POU3F3: variants seen among roughly 807,000 people sequenced by gnomAD.
POU3F3 encodes the protein POU domain, class 3, transcription factor 3.
POU3F3 carries 1 observed loss-of-function variant against 8.6 expected under a neutral mutation model. The observed-to-expected ratio is 0.12, with a 90% CI of 0.04 to 0.55. POU3F3 has a LOEUF of 0.55. POU3F3 is among the 20% of genes least tolerant of loss of function. The pLI, the probability that POU3F3 is intolerant of heterozygous loss-of-function variation, is 0.91. For missense variants in POU3F3, 577 were observed against 690.7 expected, an observed-to-expected ratio of 0.84 and a Z score of 1.84; for synonymous variants, 418 against 327.4, an observed-to-expected ratio of 1.28 and a Z score of -2.99.
At position 104,855,386 on chromosome 2, in the gene POU3F3, G is replaced by A. The variant is rs1386251432; in HGVS notation, c.-125G>A. On this transcript the variant is annotated 5_prime_UTR_variant, in exon 1 of 1. Transcript: ENST00000361360. ...CGGCGGGGGCCCGGGGCGGGGGCGG[G>A]GAAGGAGGGGGGGAGGAGGCGGGAG... The A allele has an allele frequency of 3.4e-5, 11 of 319,846 alleles. No homozygotes were observed. The highest frequency in any genetic ancestry group is 2.3e-4 in the African/African-American group (9 of 38,754). 19.8% of individuals were successfully genotyped at this position (319,846 alleles called of 1,614,324 possible).
the POU3F3 span, among the ~76,000 whole-genome samples, chr2:104,887,061 G>C: frequency 6.6e-6 from 1 of 152,184 alleles, no homozygotes; most frequent in Admixed American, 6.5e-5. Flanking sequence ...TGGATTATCT[G>C]TGTCTTCCCT....
chr2:104,872,169 G>A, the POU3F3 span: 6 of 452,354 alleles, frequency 1.3e-5, no homozygotes, highest in South Asian at 9.4e-5. This position sits in a 1 kb window ranked among gnomAD's most constrained non-coding sequence, Gnocchi z 4.6. Context: ...CTGCAGGGAT[G>A]CCCTGCGCCC....
At chr2:104,892,021 C>G in the POU3F3 span, among the ~76,000 whole-genome samples, 2 of 152,148 alleles carry the variant, frequency 1.3e-5, no homozygotes, top group Non-Finnish European at 2.9e-5. Flanking sequence ...ATTTTTCCAT[C>G]AGGCAACACA....
chr2:104,885,626 C>T, the POU3F3 span, among the ~76,000 whole-genome samples: 18 of 152,270 alleles, frequency 1.2e-4, no homozygotes, highest in Non-Finnish European at 2.1e-4. Context: ...GGAAGTTACC[C>T]TATATGGTGT....
chr2:104,884,817 G>A, the POU3F3 span, among the ~76,000 whole-genome samples: 2 of 152,182 alleles, frequency 1.3e-5, no homozygotes, highest in East Asian at 3.9e-4. Context: ...ATTGGGGAGG[G>A]ACTTCTGTTT....
downstream of POU3F3, among the ~76,000 whole-genome samples, chr2:104,862,871 C>A (rs890391740): frequency 6.6e-6 from 1 of 152,046 alleles, no homozygotes; most frequent in Non-Finnish European, 1.5e-5. Flanking sequence ...CTGTAAAAGC[C>A]GTAGGAGAAT....
the POU3F3 span, among the ~76,000 whole-genome samples, chr2:104,918,810 AAC>A: frequency 6.6e-6 from 1 of 152,002 alleles, no homozygotes; most frequent in African/African-American, 2.4e-5. Flanking sequence ...GAGTAATTAT[AAC>A]ACTCTCCTGC....
chr2:104,920,029 A>G, the POU3F3 span, among the ~76,000 whole-genome samples: 8 of 151,940 alleles, frequency 5.3e-5, no homozygotes, highest in Non-Finnish European at 7.4e-5. Context: ...TTTTATTATT[A>G]TTTGAGATGG....
Position 104,854,995 on chromosome 2 carries a change from G to C in POU3F3, c.-516G>C, listed in dbSNP as rs760380096. On this transcript the variant is annotated 5_prime_UTR_variant, in exon 1 of 1. Coordinates refer to ENST00000361360, the MANE Select transcript of POU3F3 (RefSeq NM_006236.3). This position sits in a 1 kb window ranked among gnomAD's most constrained non-coding sequence, Gnocchi z 4.5. Reference sequence around the variant, plus strand: ...AGCAGGTGGACGGAGCCCCGCGACCGGGCAGAGTCCGGGCTCGCCCGAGGA... The same window carrying C: ...AGCAGGTGGACGGAGCCCCGCGACCCGGCAGAGTCCGGGCTCGCCCGAGGA... 1.3e-5 allele frequency among the ~76,000 whole-genome samples: 2 copies of C among 152,160 alleles called. No homozygotes were observed. The highest frequency in any genetic ancestry group is 1.5e-5 in the Non-Finnish European group (1 of 67,996).
the POU3F3 span, among the ~76,000 whole-genome samples, chr2:104,882,931 C>T: frequency 6.6e-6 from 1 of 152,084 alleles, no homozygotes; most frequent in African/African-American, 2.4e-5. Context: ...AATACCAGAA[C>T]AACAGGTGAA....
chr2:104,907,613 T>C, the POU3F3 span, among the ~76,000 whole-genome samples: 3 of 152,166 alleles, frequency 2.0e-5, no homozygotes, highest in African/African-American at 7.2e-5. Flanking sequence ...GCTACTATTA[T>C]TATTATTTTT....
upstream of POU3F3, chr2:104,853,493 C>G (rs1026418288): frequency 1.3e-5 from 2 of 152,966 alleles, no homozygotes; most frequent in Admixed American, 6.5e-5. Flanking sequence ...CTTCCCACCC[C>G]CGCCGATCAG....
chr2:104,853,349 G>A (rs1026893854), upstream of POU3F3: 3 of 152,362 alleles, frequency 2.0e-5, no homozygotes, highest in African/African-American at 7.2e-5. Context: ...TGGGCTGCAG[G>A]TTTCCCAGAT....
At chr2:104,895,062 A>AGTGTGT in the POU3F3 span, among the ~76,000 whole-genome samples, 24 of 149,374 alleles carry the variant, frequency 1.6e-4, no homozygotes, top group African/African-American at 5.7e-4. Context: ...TGCACAGGTG[A>AGTGTGT]GTGTGTGTGT....
the POU3F3 span, among the ~76,000 whole-genome samples, chr2:104,903,016 G>A: frequency 2.6e-3 from 395 of 152,160 alleles, 4 homozygotes; most frequent in African/African-American, 9.0e-3. Context: ...ATGTCATATC[G>A]CTGCAGGCTG....
chr2:104,863,735 C>T, the POU3F3 span, among the ~76,000 whole-genome samples: 3 of 152,184 alleles, frequency 2.0e-5, no homozygotes. Flanking sequence ...CTCTGTTTGT[C>T]TTCCCGAAGG....
chr2:104,899,704 C>T, the POU3F3 span, among the ~76,000 whole-genome samples: 1 of 152,142 alleles, frequency 6.6e-6, no homozygotes, highest in African/African-American at 2.4e-5. Context: ...AGACTGTGAG[C>T]CAACAAAGGT....
rs895839135 is a variant in POU3F3 at position 104,857,087 on chromosome 2, T to TGCCGCC, written c.*98_*103dup. ...CCGCCGTCAGCACCGCCGCCGCCCC[T>TGCCGCC]GCCGCCGCCGCCGCCGCCGCCGCCG... On this transcript the variant is annotated 3_prime_UTR_variant, in exon 1 of 1. Transcript: ENST00000361360. 8.8e-4 allele frequency: 879 copies of TGCCGCC among 1,002,216 alleles called. 3 individuals are homozygous for TGCCGCC. The highest frequency in any genetic ancestry group is 8.7e-3 in the African/African-American group (487 of 56,132). The allele number at this position is 1,002,216 out of a possible 1,614,324, so 62.1% of individuals were successfully genotyped here.
At chr2:104,875,727 T>C in the POU3F3 span, among the ~76,000 whole-genome samples, 526 of 152,340 alleles carry the variant, frequency 3.5e-3, 3 homozygotes, top group Non-Finnish European at 5.8e-3. Context: ...TTGTTTTGTT[T>C]TGTTTTTGAG....
Sources: allele counts gnomAD v4.1 joint callset (sites outside exome capture counted in the v4.1 genomes callset), GRCh38; gene constraint gnomAD v4.1.1; non-coding constraint Gnocchi (gnomAD v3.1); transcripts MANE v1.5; gene names NCBI Gene and HGNC (gene_info 2026-07-23, HGNC 2026-07-21).